The following DPP6 variants were observed in gnomAD, a reference collection of about 807,000 sequenced individuals.
DPP6 encodes A-type potassium channel modulatory protein DPP6.
A neutral mutation model predicts 122.6 loss-of-function variants in DPP6; 69 were observed. That is an observed-to-expected ratio of 0.56 (90% CI 0.46 to 0.69). DPP6 has a LOEUF of 0.69. Among genes scored for constraint, DPP6 ranks in the 30% least tolerant of loss-of-function variants. The pLI is 0.00. For synonymous variants in DPP6, 418 were observed against 433.1 expected, an observed-to-expected ratio of 0.97 and a Z score of 0.43; for missense variants, 928 against 1,116.9, an observed-to-expected ratio of 0.83 and a Z score of 2.41.
At chr7:154,176,393 C>T (rs371980896) in intron 1 of DPP6, among the ~76,000 whole-genome samples, 6 of 152,178 alleles carry the variant, frequency 3.9e-5, no homozygotes, top group African/African-American at 1.4e-4. Flanking sequence ...TTTTAAACAG[C>T]TGGTTGAGAC....
chr7:153,973,265 A>T (rs1585114580), intron 1 of DPP6, among the ~76,000 whole-genome samples: 1 of 152,326 alleles, frequency 6.6e-6, no homozygotes, highest in Admixed American at 6.5e-5. Flanking sequence ...CTCTGAAATA[A>T]ACAGACATTA....
chr7:154,102,467 G>C (rs555769501), intron 1 of DPP6, among the ~76,000 whole-genome samples: 1 of 152,282 alleles, frequency 6.6e-6, no homozygotes, highest in African/African-American at 2.4e-5. Context: ...GGGATTACAG[G>C]CATGAGCCAC....
chr7:154,820,303 G>A (rs1421753047), intron 16 of DPP6, among the ~76,000 whole-genome samples: 1 of 152,178 alleles, frequency 6.6e-6, no homozygotes, highest in Non-Finnish European at 1.5e-5. Context: ...CAGACCGACT[G>A]TAAATATCCT....
At chr7:154,192,089 C>T (rs149372867) in intron 1 of DPP6, among the ~76,000 whole-genome samples, 8 of 152,228 alleles carry the variant, frequency 5.3e-5, no homozygotes, top group East Asian at 3.9e-4. Context: ...TTTAGCTGCA[C>T]GAGTGATGAA....
At chr7:154,498,603 G>A (rs1352303153) in intron 3 of DPP6, among the ~76,000 whole-genome samples, 1 of 152,174 alleles carries the variant, frequency 6.6e-6, no homozygotes, top group East Asian at 1.9e-4. Flanking sequence ...CTCCCAAAGT[G>A]CTGAGATTAC....
chr7:154,258,145 G>A (rs1046423511), intron 1 of DPP6, among the ~76,000 whole-genome samples: 2 of 135,776 alleles, frequency 1.5e-5, no homozygotes, highest in African/African-American at 5.5e-5. Context: ...CGAGGGGAGG[G>A]GAGGCGAGGG....
chr7:153,954,756 G>C (rs899896121), intron 1 of DPP6, among the ~76,000 whole-genome samples: 1 of 152,172 alleles, frequency 6.6e-6, no homozygotes. Context: ...TGGACTTGAT[G>C]CACCTCTTTC....
intron 1 of DPP6, among the ~76,000 whole-genome samples, chr7:153,939,714 C>T (rs1330248439): frequency 6.6e-6 from 1 of 152,202 alleles, no homozygotes; most frequent in South Asian, 2.1e-4. Context: ...GAACTCCATG[C>T]TCTCATATGA....
chr7:154,848,370 G>T (rs1171427689), intron 16 of DPP6, among the ~76,000 whole-genome samples: 1 of 152,182 alleles, frequency 6.6e-6, no homozygotes, highest in African/African-American at 2.4e-5. Flanking sequence ...CATTCTCACA[G>T]GTGTGAGATG....
At chr7:153,797,394 G>A in the DPP6 span, among the ~76,000 whole-genome samples, 4 of 152,192 alleles carry the variant, frequency 2.6e-5, no homozygotes, top group African/African-American at 7.2e-5. Context: ...GGAGAGTGTG[G>A]AGAAGGAGGA....
At chr7:153,887,725 G>T (rs752416547) in exon 1 of DPP6, 2 of 1,613,918 alleles carry the variant, frequency 1.2e-6, no homozygotes, top group East Asian at 4.5e-5. Context: ...AGATGCAGGG[G>T]AACGTGATGG....
intron 16 of DPP6, among the ~76,000 whole-genome samples, chr7:154,818,698 T>A (rs908751372): frequency 3.3e-5 from 5 of 152,186 alleles, no homozygotes; most frequent in Non-Finnish European, 5.9e-5. Context: ...CTGCCCTTTT[T>A]AATTTTGAAT....
At chr7:154,498,933 C>T (rs577825138) in intron 3 of DPP6, among the ~76,000 whole-genome samples, 4 of 152,312 alleles carry the variant, frequency 2.6e-5, no homozygotes, top group South Asian at 4.1e-4. Context: ...GCTCTGCCAT[C>T]AGTAACATAT....
the DPP6 span, among the ~76,000 whole-genome samples, chr7:153,822,246 G>A: frequency 0.79 from 112,734 of 141,948 alleles, 44,847 homozygotes; most frequent in Admixed American, 0.85. Context: ...CTGGAGTGCA[G>A]TGGTGCCATC....
chr7:154,122,624 C>T (rs1807564296), intron 1 of DPP6, among the ~76,000 whole-genome samples: 2 of 152,016 alleles, frequency 1.3e-5, no homozygotes, highest in Admixed American at 6.5e-5. Context: ...TAATAATTGG[C>T]AACAATATCT....
chr7:154,823,625 G>C (rs895301828), intron 16 of DPP6, among the ~76,000 whole-genome samples: 1 of 152,214 alleles, frequency 6.6e-6, no homozygotes, highest in Non-Finnish European at 1.5e-5. Context: ...TGTAATATAT[G>C]GACATACGGT....
chr7:153,945,774 G>T, intron 1 of DPP6, among the ~76,000 whole-genome samples: 1 of 152,200 alleles, frequency 6.6e-6, no homozygotes, highest in East Asian at 1.9e-4. Context: ...ATCTGGAAAG[G>T]TTTGGGCCGA....
chr7:154,007,471 C>A (rs1797961332), intron 1 of DPP6, among the ~76,000 whole-genome samples: 1 of 152,104 alleles, frequency 6.6e-6, no homozygotes, highest in African/African-American at 2.4e-5. Context: ...AAAAAAAATT[C>A]TCAGATGAGC....
chr7:154,200,534 C>G (rs550573911), intron 1 of DPP6, among the ~76,000 whole-genome samples: 15 of 152,192 alleles, frequency 9.9e-5, no homozygotes, highest in African/African-American at 3.4e-4. Context: ...TTTGCTAACA[C>G]AAATGCTAAA....
Sources: allele counts gnomAD v4.1 joint callset (sites outside exome capture counted in the v4.1 genomes callset), GRCh38; gene constraint gnomAD v4.1.1; transcripts MANE v1.5; gene names NCBI Gene and HGNC (gene_info 2026-07-23, HGNC 2026-07-21).